The following APLF variants were observed in gnomAD, a reference collection of about 807,000 sequenced individuals.
APLF encodes aprataxin and PNKP like factor.
Under a neutral mutation model 55.6 loss-of-function variants are expected in APLF, and 61 were observed. The observed-to-expected ratio is 1.10, with a 90% CI of 0.89 to 1.36. The LOEUF (loss-of-function observed/expected upper bound fraction) is 1.36. Ranked by LOEUF, APLF falls within the 40% of genes most tolerant of loss-of-function variation. APLF has a pLI of 0.00. For synonymous variants in APLF, 207 were observed against 214.8 expected (o/e 0.96, Z 0.32); for missense variants, 611 against 602.5 (o/e 1.01, Z -0.15).
intron 6 of APLF, among the ~76,000 whole-genome samples, chr2:68,536,879 A>C (rs1310505005): frequency 6.6e-6 from 1 of 152,170 alleles, no homozygotes; most frequent in Non-Finnish European, 1.5e-5. Context: ...AGAAGAAATT[A>C]TAAGGGGCTA....
At chr2:68,519,491 T>C (rs542867888) in intron 5 of APLF, among the ~76,000 whole-genome samples, 3 of 149,656 alleles carry the variant, frequency 2.0e-5, no homozygotes, top group South Asian at 4.2e-4. Flanking sequence ...CAGGGACCAG[T>C]TCACATTGGT....
At chr2:68,530,891 C>T (rs1670235029) in intron 6 of APLF, among the ~76,000 whole-genome samples, 1 of 151,760 alleles carries the variant, frequency 6.6e-6, no homozygotes, top group Admixed American at 6.6e-5. Flanking sequence ...AAAAAATTTT[C>T]AGACTGGAAA....
At chr2:68,570,765 T>C (rs892597344) in intron 9 of APLF, among the ~76,000 whole-genome samples, 20 of 152,206 alleles carry the variant, frequency 1.3e-4, no homozygotes, top group Admixed American at 1.1e-3. Flanking sequence ...TACGTGTGCA[T>C]GTGTCTTTAT....
intron 3 of APLF, among the ~76,000 whole-genome samples, chr2:68,508,938 T>G (rs1362082799): frequency 6.6e-6 from 1 of 151,984 alleles, no homozygotes; most frequent in Non-Finnish European, 1.5e-5. Flanking sequence ...CCATCTGATC[T>G]TTGACAAACC....
At chr2:68,523,591 G>A (rs1669952374) in intron 5 of APLF, among the ~76,000 whole-genome samples, 1 of 151,704 alleles carries the variant, frequency 6.6e-6, no homozygotes, top group Non-Finnish European at 1.5e-5. Flanking sequence ...TCCTCTAGAA[G>A]GTAAGATTGG....
At chr2:68,487,865 A>G (rs904185006) in intron 1 of APLF, among the ~76,000 whole-genome samples, 1 of 152,072 alleles carries the variant, frequency 6.6e-6, no homozygotes, top group South Asian at 2.1e-4. Flanking sequence ...AGTGATGTTA[A>G]TTTCAAAGAT....
intron 5 of APLF, among the ~76,000 whole-genome samples, chr2:68,517,227 TA>T (rs2103960820): frequency 9.0e-6 from 1 of 110,938 alleles, no homozygotes; most frequent in South Asian, 2.6e-4. Context: ...TATATATAAA[TA>T]TATTAATATA....
At chr2:68,525,705 C>T (rs866061080) in intron 5 of APLF, among the ~76,000 whole-genome samples, 2 of 137,396 alleles carry the variant, frequency 1.5e-5, no homozygotes, top group Non-Finnish European at 3.1e-5. Flanking sequence ...GACCTTTAAT[C>T]TTACTTGCCC....
At chr2:68,482,494 G>A (rs896621322) in intron 1 of APLF, among the ~76,000 whole-genome samples, 1 of 152,174 alleles carries the variant, frequency 6.6e-6, no homozygotes, top group African/African-American at 2.4e-5. Flanking sequence ...CACATAGTGA[G>A]TCAGCTGGCT....
At chr2:68,469,758 G>T (rs1675561569) in intron 1 of APLF, among the ~76,000 whole-genome samples, 2 of 152,168 alleles carry the variant, frequency 1.3e-5, no homozygotes, top group Admixed American at 6.5e-5. Context: ...TTTTTGTATT[G>T]TGAGAGAGCG....
At chr2:68,537,821 T>G (rs1318925322) in intron 6 of APLF, 51 bp from the exon 7 acceptor site, 2 of 1,356,410 alleles carry the variant, frequency 1.5e-6, no homozygotes, top group African/African-American at 2.9e-5. Context: ...TGCTCATATC[T>G]TTTTAAAAAT....
chr2:68,564,825 T>A (rs1244435146), intron 8 of APLF, among the ~76,000 whole-genome samples: 3 of 151,930 alleles, frequency 2.0e-5, no homozygotes, highest in Admixed American at 1.3e-4. Flanking sequence ...AGAAAGAGGG[T>A]GTTTGGCTGT....
intron 1 of APLF, among the ~76,000 whole-genome samples, chr2:68,481,849 C>T (rs917765579): frequency 2.6e-5 from 4 of 151,688 alleles, no homozygotes; most frequent in African/African-American, 4.8e-5. Flanking sequence ...TCTTTAAGTT[C>T]GGAAATTCTT....
At chr2:68,562,150 G>C (rs12713647) in intron 8 of APLF, among the ~76,000 whole-genome samples, 3 of 151,866 alleles carry the variant, frequency 2.0e-5, no homozygotes, top group Non-Finnish European at 4.4e-5. Flanking sequence ...CAGAAAGGCA[G>C]TTACCACATG....
chr2:68,529,083 C>G lies in APLF; in HGVS notation c.804+2841C>G. ...GAAGGAAGTTGAAGGTTAAACTTGC[C>G]TCTGAGACGAGGGATCCTCACGGGG... On this transcript the variant is annotated intron_variant, in intron 6 of 9. Coordinates refer to ENST00000303795, the MANE Select transcript of APLF (RefSeq NM_173545.3). The surrounding 1 kb of genome is among the most constrained non-coding windows in gnomAD (Gnocchi z 4.4). 4 of 1,412,778 alleles carry G rather than the reference C, an allele frequency of 2.8e-6. No individual in the cohort carries two copies. The highest frequency in any genetic ancestry group is 3.9e-6 in the Non-Finnish European group (4 of 1,034,674). The allele number at this position is 1,412,778 out of a possible 1,614,324, so 87.5% of individuals were successfully genotyped here. A position where few individuals can be genotyped will look rare whatever the true frequency, so the allele number is the denominator to read the frequency against.
At chr2:68,549,273 C>G (rs943185532) in intron 8 of APLF, among the ~76,000 whole-genome samples, 5 of 151,956 alleles carry the variant, frequency 3.3e-5, no homozygotes, top group African/African-American at 1.2e-4. Context: ...TTCAGGATGT[C>G]ATTAATCACA....
chr2:68,576,975 G>A (rs535168503), intron 9 of APLF, among the ~76,000 whole-genome samples: 5 of 152,060 alleles, frequency 3.3e-5, no homozygotes, highest in East Asian at 1.9e-4. Flanking sequence ...TCTGTAGCTC[G>A]CTGTGGAAAG....
chr2:68,526,588 C>T (rs1670059740), intron 6 of APLF, among the ~76,000 whole-genome samples: 1 of 152,160 alleles, frequency 6.6e-6, no homozygotes, highest in South Asian at 2.1e-4. Context: ...TTACAAATTA[C>T]AAGAACAATC....
chr2:68,560,359 A>T (rs1671135607), intron 8 of APLF, among the ~76,000 whole-genome samples: 1 of 152,236 alleles, frequency 6.6e-6, no homozygotes, highest in South Asian at 2.1e-4. Flanking sequence ...AGTGAAATGG[A>T]TGGCAATAGG....
Sources: allele counts gnomAD v4.1 joint callset (sites outside exome capture counted in the v4.1 genomes callset), GRCh38; gene constraint gnomAD v4.1.1; non-coding constraint Gnocchi (gnomAD v3.1); transcripts MANE v1.5; gene names NCBI Gene and HGNC (gene_info 2026-07-23, HGNC 2026-07-21).